PAK6: variants seen among roughly 807,000 people sequenced by gnomAD.
PAK6 encodes serine/threonine-protein kinase PAK 6.
A neutral mutation model predicts 60.8 loss-of-function variants in PAK6; 33 were observed. The ratio of observed to expected loss-of-function variants is 0.54; its 90% confidence interval spans 0.41 to 0.73. The LOEUF is 0.73. PAK6 is among the 30% of genes least tolerant of loss of function. The pLI is 0.00. For synonymous variants in PAK6, 404 were observed against 378.5 expected, an observed-to-expected ratio of 1.07 and a Z score of -0.78; for missense variants, 845 against 904.1, an observed-to-expected ratio of 0.93 and a Z score of 0.84.
intron 10 of PAK6, among the ~76,000 whole-genome samples, chr15:40,275,280 G>GTTTGTTTTTTTTTTGTT (rs2039417260): frequency 1.8e-5 from 1 of 56,486 alleles, no homozygotes; most frequent in Non-Finnish European, 3.1e-5. Context: ...GTTGTTGTTG[G>GTTTGTTTTTTTTTTGTT]TTTTTTTTTT....
intron 4 of PAK6, 28 bp from the exon 5 acceptor site, chr15:40,265,814 C>T (rs2039111298): frequency 6.6e-7 from 1 of 1,503,790 alleles, no homozygotes. Flanking sequence ...GGGCAGCTCC[C>T]ACACACTCTT....
chr15:40,272,732 A>T lies in PAK6; in HGVS notation c.1356+11A>T. On this transcript the variant is annotated intron_variant, in intron 6 of 10. Coordinates refer to ENST00000560346, the Ensembl canonical transcript of PAK6. ...CTGCTCTTCAACGAGGTGGGAGGAC[A>T]GGGTGGGACACAGACGGGGGCGTTG... 1 of 1,581,604 alleles carries T rather than the reference A, an allele frequency of 6.3e-7. No homozygotes were observed. Among genetic ancestry groups the T allele is most frequent in the Non-Finnish European group, 8.6e-7 (1 of 1,164,874 alleles).
At chr15:40,244,208 G>A (rs1443701256) in intron 2 of PAK6, among the ~76,000 whole-genome samples, 1 of 151,334 alleles carries the variant, frequency 6.6e-6, no homozygotes, top group African/African-American at 2.4e-5. Context: ...GCGCGTGCCT[G>A]TAGTCCCAGC....
At chr15:40,245,086 T>G (rs2038462083) in intron 2 of PAK6, 1 of 152,284 alleles carries the variant, frequency 6.6e-6, no homozygotes, top group African/African-American at 2.4e-5. Flanking sequence ...TCTTGTGCTC[T>G]GGTCTGCCCA....
chr15:40,253,603 C>CCCA (rs2038751756), intron 3 of PAK6, among the ~76,000 whole-genome samples: 1 of 152,214 alleles, frequency 6.6e-6, no homozygotes, highest in Non-Finnish European at 1.5e-5. Flanking sequence ...CGGCAGAGTG[C>CCCA]AGGGAATTCA....
rs16970474 is a variant in PAK6, at chr15:40,263,211, A to C, written c.-5-1570A>C. On this transcript the variant is annotated intron_variant, in intron 3 of 10. Transcript: ENST00000560346. ...GTTTCCATAGCAAGAGCCAAAAGAG[A>C]ACATGACGGCCCTGCACTCCAGATC... Among the ~76,000 whole-genome samples the C allele has an allele frequency of 0.047, 7,168 of 152,250 alleles. 791 individuals carry two copies. In the East Asian group the frequency reaches 0.49, roughly 10 times the overall value.
intron 10 of PAK6, among the ~76,000 whole-genome samples, chr15:40,274,946 C>T (rs1269187941): frequency 6.6e-6 from 1 of 152,032 alleles, no homozygotes; most frequent in Admixed American, 6.6e-5. Context: ...TCTAAAATAG[C>T]AAAAAAACAA....
exon 7 of PAK6, chr15:40,272,869 G>T: frequency 3.1e-6 from 5 of 1,613,784 alleles, no homozygotes; most frequent in Non-Finnish European, 4.2e-6. Flanking sequence ...CCCCCAGGTG[G>T]TGATCATGCG....
chr15:40,264,704 T>C, intron 3 of PAK6, 77 bp from the exon 4 acceptor site: 1 of 1,297,996 alleles, frequency 7.7e-7, no homozygotes, highest in South Asian at 1.3e-5. Flanking sequence ...GAGGGAGCCC[T>C]GAACCTGGTG....
At chr15:40,254,871 T>C (rs1042651343) in intron 3 of PAK6, among the ~76,000 whole-genome samples, 3 of 152,348 alleles carry the variant, frequency 2.0e-5, no homozygotes, top group African/African-American at 2.4e-5. Flanking sequence ...GTGGGCACTT[T>C]ATAAGCATAC....
Position 40,274,289 on chromosome 15 carries a change from A to ACAAG in PAK6, c.1878+14_1878+17dup, listed in dbSNP as rs1289671179. ...AAACTCTCACAAGGTCAGTTGGCAC[A>ACAAG]CAAGGGTGCGACCTCGCAGACCCCA... On this transcript the variant is annotated intron_variant, in intron 10 of 10. Transcript: ENST00000560346. The ACAAG allele has an allele frequency of 1.9e-6, 3 of 1,590,474 alleles. No homozygotes were observed. Among genetic ancestry groups the ACAAG allele is most frequent in the Non-Finnish European group, 2.6e-6 (3 of 1,168,272 alleles).
At chr15:40,258,362 A>G (rs1365999689) in intron 3 of PAK6, 1 of 152,244 alleles carries the variant, frequency 6.6e-6, no homozygotes, top group Non-Finnish European at 1.5e-5. Flanking sequence ...GGGGCTCTGG[A>G]ATCAGATCTG....
At chr15:40,248,413 G>A (rs1257218948) in intron 2 of PAK6, among the ~76,000 whole-genome samples, 1 of 152,176 alleles carries the variant, frequency 6.6e-6, no homozygotes, top group Non-Finnish European at 1.5e-5. Flanking sequence ...AGGGTGAGTG[G>A]GCAGCGACCC....
chr15:40,257,013 G>A (rs779713556), intron 3 of PAK6: 2 of 152,222 alleles, frequency 1.3e-5, no homozygotes, highest in Non-Finnish European at 2.9e-5. Context: ...GTCACAAGCC[G>A]GGACTTAGGA....
chr15:40,255,653 C>A (rs1241932542), intron 3 of PAK6, among the ~76,000 whole-genome samples: 2 of 152,182 alleles, frequency 1.3e-5, no homozygotes, highest in Non-Finnish European at 2.9e-5. Context: ...CCTCTCCTGA[C>A]TCTCAAGTCA....
At chr15:40,273,733 C>T in intron 9 of PAK6, 57 bp downstream of exon 9, 2 of 1,594,594 alleles carry the variant, frequency 1.3e-6, no homozygotes, top group Non-Finnish European at 1.7e-6. Context: ...ACTGGCAGCT[C>T]TTCTGCTGTG....
intron 3 of PAK6, among the ~76,000 whole-genome samples, chr15:40,260,924 T>C (rs2038965510): frequency 6.6e-6 from 1 of 151,470 alleles, no homozygotes; most frequent in Admixed American, 6.6e-5. Context: ...AGTCTCGCTC[T>C]GTCGCCCAGG....
chr15:40,263,553 C>CGACCTTAGAA, intron 3 of PAK6, among the ~76,000 whole-genome samples: 1 of 152,312 alleles, frequency 6.6e-6, no homozygotes, highest in Admixed American at 6.5e-5. Flanking sequence ...CAGCTCAGCA[C>CGACCTTAGAA]GACCTTAGGC....
At chr15:40,253,321 C>T (rs1041697617) in intron 3 of PAK6, 32 bp downstream of exon 3, 4 of 453,522 alleles carry the variant, frequency 8.8e-6, no homozygotes, top group African/African-American at 6.0e-5. Context: ...GGCCCTAGAG[C>T]CTTCTGCACC....
Sources: gnomAD v4.1 joint callset for allele counts (sites outside exome capture counted in the v4.1 genomes callset) on GRCh38, gnomAD v4.1.1 for gene constraint, MANE v1.5 for transcripts, NCBI Gene and HGNC (gene_info 2026-07-23, HGNC 2026-07-21) for gene names.